The following GORASP2 variants were observed in gnomAD, a reference collection of about 807,000 sequenced individuals.
GORASP2 encodes golgi reassembly stacking protein 2.
In GORASP2, 22 loss-of-function variants were observed where a neutral mutation model predicts 45.7. The ratio of observed to expected loss-of-function variants is 0.48; its 90% CI spans 0.34 to 0.69. The LOEUF is 0.69. Ranked by LOEUF, GORASP2 falls within the 30% of genes least tolerant of loss-of-function variation. The pLI, the probability that GORASP2 is intolerant of heterozygous loss-of-function variation, is 0.01. For missense variants in GORASP2, 491 were observed against 562.7 expected (o/e 0.87, Z 1.29); for synonymous variants, 221 against 215.6 (o/e 1.02, Z -0.22).
chr2:170,951,486 G>T, intron 5 of GORASP2, 28 bp downstream of exon 5: 1 of 1,560,968 alleles, frequency 6.4e-7, no homozygotes. Flanking sequence ...ACTAAGTTAT[G>T]ACTGCTTAAA....
chr2:170,957,984 T>C (rs1704468188), intron 7 of GORASP2, among the ~76,000 whole-genome samples: 1 of 152,206 alleles, frequency 6.6e-6, no homozygotes, highest in Non-Finnish European at 1.5e-5. Flanking sequence ...ATTTCTGGGC[T>C]GTCTTAAATA....
intron 5 of GORASP2, among the ~76,000 whole-genome samples, chr2:170,952,299 T>C (rs1160498468): frequency 6.6e-6 from 1 of 152,192 alleles, no homozygotes; most frequent in Non-Finnish European, 1.5e-5. Context: ...TTAACTAAAT[T>C]TGGCTACATT....
At position 170,965,935 on chromosome 2, in the gene GORASP2, G is replaced by T. The variant is rs374647579; in HGVS notation, c.1164G>T (p.Pro388=). The part of the protein sequence containing the change: ...ASSGELLSSL[P]PTSNAPSDPA... The stretch of plus-strand genomic sequence containing the variant: ...CAGGAGAGCTGCTGTCTTCCCTCCC[G>T]CCCACCAGCAACGCACCCTCCGACC... Residue 388 remains proline, a synonymous_variant, in exon 10 of 10, where the codon CCG becomes CCT. Transcript: ENST00000234160. 2 of 1,613,182 alleles carry T rather than the reference G, an allele frequency of 1.2e-6. No homozygotes were observed. Among genetic ancestry groups the T allele is most frequent in the Non-Finnish European group, 8.5e-7 (1 of 1,179,838 alleles).
At chr2:170,939,699 T>A (rs1252450326) in intron 1 of GORASP2, among the ~76,000 whole-genome samples, 2 of 152,192 alleles carry the variant, frequency 1.3e-5, no homozygotes, top group African/African-American at 4.8e-5. Context: ...ACTCTGCAAT[T>A]TCAAGCATCC....
chr2:170,952,221 G>T (rs944025711), intron 5 of GORASP2, among the ~76,000 whole-genome samples: 1 of 152,206 alleles, frequency 6.6e-6, no homozygotes, highest in Admixed American at 6.5e-5. Flanking sequence ...CAAACTGGAG[G>T]AAGAGATTCT....
At chr2:170,959,821 C>CT (rs35210942) in intron 7 of GORASP2, among the ~76,000 whole-genome samples, 71,675 of 124,516 alleles carry the variant, frequency 0.58, 22,463 homozygotes, top group East Asian at 0.89. Flanking sequence ...TCACCTTTTT[C>CT]TTTTTTTTTT....
intron 5 of GORASP2, among the ~76,000 whole-genome samples, chr2:170,953,362 T>G (rs1559313140): frequency 6.6e-6 from 1 of 151,468 alleles, no homozygotes; most frequent in Admixed American, 6.6e-5. Flanking sequence ...TCTTAATAAA[T>G]AAATAAATAA....
chr2:170,958,861 G>A (rs1021132358), intron 7 of GORASP2, among the ~76,000 whole-genome samples: 3 of 152,058 alleles, frequency 2.0e-5, no homozygotes, highest in African/African-American at 7.2e-5. Context: ...GCAGAGATGG[G>A]GTTTTGCCAT....
chr2:170,957,370 G>A (rs978496961), intron 7 of GORASP2, among the ~76,000 whole-genome samples: 8 of 151,940 alleles, frequency 5.3e-5, no homozygotes, highest in African/African-American at 1.7e-4. Context: ...TCTGCCTCCC[G>A]AGTTCAAGTG....
chr2:170,954,615 T>C (rs757391743), intron 5 of GORASP2, 35 bp from the exon 6 acceptor site: 1 of 1,581,224 alleles, frequency 6.3e-7, no homozygotes, highest in South Asian at 1.1e-5. Flanking sequence ...CAAGCTGTGA[T>C]AGATAACAAC....
At chr2:170,964,413 G>T (rs954217473) in intron 9 of GORASP2, among the ~76,000 whole-genome samples, 13 of 152,198 alleles carry the variant, frequency 8.5e-5, no homozygotes, top group Non-Finnish European at 1.8e-4. Context: ...AGCACTTTGG[G>T]AAGCCAAGGT....
intron 7 of GORASP2, among the ~76,000 whole-genome samples, chr2:170,959,256 C>T (rs771446656): frequency 3.4e-4 from 52 of 152,382 alleles, no homozygotes; most frequent in Middle Eastern, 3.4e-3. Context: ...GCCATCGTGC[C>T]CGGCCCCAGA....
In GORASP2 at chr2:170,966,256, G is replaced by C; in HGVS notation, c.*126G>C. Reference sequence around the variant, plus strand: ...GTAGGCATCCTGTAAATAATTCCAAGGGGAAAACTAAACGAGGACGTGGGT... The same window carrying C: ...GTAGGCATCCTGTAAATAATTCCAACGGGAAAACTAAACGAGGACGTGGGT... On this transcript the variant is annotated 3_prime_UTR_variant, in exon 10 of 10. Coordinates refer to ENST00000234160, the MANE Select transcript of GORASP2 (RefSeq NM_015530.5). The C allele has an allele frequency of 2.8e-6, 2 of 725,012 alleles. No homozygotes were observed. The highest frequency in any genetic ancestry group is 4.7e-6 in the Non-Finnish European group (2 of 422,190). 44.9% of individuals were successfully genotyped at this position (725,012 alleles called of 1,614,324 possible).
At chr2:170,965,207 G>A (rs567239250) in intron 9 of GORASP2, among the ~76,000 whole-genome samples, 13 of 152,240 alleles carry the variant, frequency 8.5e-5, no homozygotes, top group East Asian at 3.9e-4. Flanking sequence ...GAGCCACCAC[G>A]CCTGGCCTTG....
At chr2:170,946,463 A>G (rs1366608507) in intron 1 of GORASP2, among the ~76,000 whole-genome samples, 1 of 152,170 alleles carries the variant, frequency 6.6e-6, no homozygotes, top group East Asian at 1.9e-4. Context: ...TGAAAATTTG[A>G]CAGTCCATTA....
rs763121053 is a variant in GORASP2, at chr2:170,966,181, G to C, written c.*51G>C. 3 of 1,240,536 alleles carry C rather than the reference G, an allele frequency of 2.4e-6. No individual in the cohort carries two copies. Among genetic ancestry groups the C allele is most frequent in the Non-Finnish European group, 2.4e-6 (2 of 841,036 alleles). 76.8% of individuals were successfully genotyped at this position (1,240,536 alleles called of 1,614,324 possible). On this transcript the variant is annotated 3_prime_UTR_variant, in exon 10 of 10. Transcript: ENST00000234160. ...GTGGTATATTTAACCACGGGAGCGT[G>C]TCTGGAAACGCAAACTATCATTAAT... is the stretch of plus-strand genomic sequence containing the variant.
chr2:170,935,078 A>G lies in GORASP2; in HGVS notation c.63+5675A>G, dbSNP rs1196718888. ...CTAATAAAAGGCCCAGAAGTTGTTT[A>G]ATAAACATTCTTTTAAATTGCTTTC... On this transcript the variant is annotated intron_variant, in intron 1 of 9. Transcript: ENST00000234160. Among the ~76,000 whole-genome samples the G allele has an allele frequency of 2.0e-5, 3 of 152,170 alleles. No individual in the cohort carries two copies. The East Asian group carries it at 5.8e-4, about 29-fold the overall frequency.
intron 5 of GORASP2, among the ~76,000 whole-genome samples, chr2:170,953,293 T>C (rs1392954562): frequency 1.3e-5 from 2 of 151,880 alleles, no homozygotes; most frequent in Non-Finnish European, 2.9e-5. Flanking sequence ...GAGGCAGAGG[T>C]CGCAGTGAGC....
At position 170,954,574 on chromosome 2, in the gene GORASP2, C is replaced by CG; in HGVS notation, c.567-76_567-75insG. Reference sequence around the variant, plus strand: ...TGAATCTATGCTCTTGGGTTACCCGCCCCCCCCAAAAAAAACACCTCAAAG... The same window carrying CG: ...TGAATCTATGCTCTTGGGTTACCCGCGCCCCCCCAAAAAAAACACCTCAAAG... On this transcript the variant is annotated intron_variant, in intron 5 of 9. Coordinates refer to ENST00000234160, the MANE Select transcript of GORASP2 (RefSeq NM_015530.5). 9 of 1,225,154 alleles carry CG rather than the reference C, an allele frequency of 7.3e-6. No individual in the cohort carries two copies. The South Asian group carries it at 1.2e-4, about 16-fold the overall frequency. The allele number at this position is 1,225,154 out of a possible 1,614,324, so 75.9% of individuals were successfully genotyped here.
Sources: allele counts gnomAD v4.1 joint callset (sites outside exome capture counted in the v4.1 genomes callset), GRCh38; gene constraint gnomAD v4.1.1; transcripts MANE v1.5; gene names NCBI Gene and HGNC (gene_info 2026-07-23, HGNC 2026-07-21).